The following SLC38A9 variants were observed in gnomAD, a reference collection of about 807,000 sequenced individuals.
SLC38A9 encodes neutral amino acid transporter 9.
SLC38A9 carries 48 observed loss-of-function variants against 62.3 expected under a neutral mutation model. That is an observed-to-expected ratio of 0.77 (90% CI 0.61 to 0.98). The LOEUF is 0.98. Among genes scored for constraint, SLC38A9 ranks in the 50% least tolerant of loss-of-function variants. The pLI, the probability that SLC38A9 is intolerant of heterozygous loss-of-function variation, is 0.00. For synonymous variants in SLC38A9, 204 were observed against 227.7 expected (o/e 0.90, Z 0.94); for missense variants, 541 against 679.8 (o/e 0.80, Z 2.27).
chr5:55,654,111 C>T (rs1396261083), intron 9 of SLC38A9, among the ~76,000 whole-genome samples: 2 of 152,142 alleles, frequency 1.3e-5, no homozygotes, highest in African/African-American at 4.8e-5. Flanking sequence ...AGAAAATACT[C>T]GTATTAAGTA....
At chr5:55,666,956 A>G (rs2150321383) in intron 7 of SLC38A9, among the ~76,000 whole-genome samples, 2 of 152,166 alleles carry the variant, frequency 1.3e-5, no homozygotes, top group East Asian at 3.9e-4. Context: ...CCAAGTTTGC[A>G]GTAAGCTGAG....
intron 14 of SLC38A9, among the ~76,000 whole-genome samples, chr5:55,631,775 T>C (rs903003743): frequency 6.6e-6 from 1 of 152,170 alleles, no homozygotes; most frequent in Admixed American, 6.5e-5. Flanking sequence ...AAATGCAATT[T>C]TTTTCAAATT....
intron 8 of SLC38A9, among the ~76,000 whole-genome samples, chr5:55,659,403 T>G (rs1003290518): frequency 6.7e-5 from 10 of 150,194 alleles, no homozygotes; most frequent in African/African-American, 2.4e-4. Context: ...TTATTTTGAT[T>G]TGAGATGGAG....
At chr5:55,673,871 C>T (rs993995886) in intron 3 of SLC38A9, among the ~76,000 whole-genome samples, 2 of 152,016 alleles carry the variant, frequency 1.3e-5, no homozygotes, top group African/African-American at 4.8e-5. Flanking sequence ...ACCACCATGC[C>T]TGACTAATTT....
intron 3 of SLC38A9, chr5:55,694,215 A>G: frequency 3.6e-6 from 1 of 278,300 alleles, no homozygotes; most frequent in East Asian, 9.7e-5. Context: ...CTCAAAAAAA[A>G]AAAAAAAAAT....
At chr5:55,692,286 T>C (rs575060176) in intron 3 of SLC38A9, among the ~76,000 whole-genome samples, 3 of 152,218 alleles carry the variant, frequency 2.0e-5, no homozygotes, top group Non-Finnish European at 4.4e-5. Flanking sequence ...CATTCACTTA[T>C]ATTATACAGG....
At chr5:55,702,177 A>G (rs1221518593) in intron 2 of SLC38A9, among the ~76,000 whole-genome samples, 1 of 152,192 alleles carries the variant, frequency 6.6e-6, no homozygotes, top group Admixed American at 6.5e-5. Flanking sequence ...TTTAATCTCC[A>G]TGAGACTATC....
intron 9 of SLC38A9, among the ~76,000 whole-genome samples, chr5:55,653,932 T>C (rs1747965280): frequency 6.6e-6 from 1 of 152,156 alleles, no homozygotes; most frequent in Admixed American, 6.5e-5. Context: ...GCTGGGATTA[T>C]AGGCCTGAGC....
chr5:55,667,218 A>G (rs1294111932), intron 7 of SLC38A9, among the ~76,000 whole-genome samples: 1 of 99,556 alleles, frequency 1.0e-5, no homozygotes, highest in Non-Finnish European at 2.4e-5. Flanking sequence ...TAGTTTTTAT[A>G]TTATTTAGGG....
chr5:55,645,711 T>G, intron 12 of SLC38A9, 78 bp downstream of exon 12: 1 of 972,894 alleles, frequency 1.0e-6, no homozygotes, highest in South Asian at 1.5e-5. Context: ...GTACTCTAAA[T>G]ATAAAGTGCC....
rs1758156066 is a variant in SLC38A9, at chr5:55,712,208, G to C, written c.-83+9C>G. ...GGGCGAGTTTGCTAGACGTGGGAAC[G>C]TGATCTACCTGAGCAGGCCGAGCCT... On this transcript the variant is annotated intron_variant, in intron 1 of 15. Coordinates refer to ENST00000396865, the MANE Select transcript of SLC38A9 (RefSeq NM_173514.4). The C allele has an allele frequency of 6.6e-6, 1 of 152,434 alleles. No individual in the cohort carries two copies. The allele number at this position is 152,434 out of a possible 1,614,324, so 9.4% of individuals were successfully genotyped here.
chr5:55,690,260 G>A lies in SLC38A9; in HGVS notation c.113+7586C>T, dbSNP rs1216730262. Reference sequence around the variant, plus strand: ...ACCTCCCTCAGCCTCCCAAAGTGCTGGGATTACAGGTGTAAGCCACTGTGC... The same window carrying A: ...ACCTCCCTCAGCCTCCCAAAGTGCTAGGATTACAGGTGTAAGCCACTGTGC... On this transcript the variant is annotated intron_variant, in intron 3 of 15. Transcript: ENST00000396865. Among the ~76,000 whole-genome samples the A allele has an allele frequency of 3.3e-5, 5 of 152,192 alleles. No homozygotes were observed. The South Asian group carries it at 6.2e-4, about 19-fold the overall frequency.
rs891918182 is a variant in SLC38A9, at chr5:55,669,837, C to T, written c.289G>A (p.Val97Met). The T allele has an allele frequency of 1.9e-6, 3 of 1,612,762 alleles. No homozygotes were observed. Among genetic ancestry groups the T allele is most frequent in the African/African-American group, 2.7e-5 (2 of 74,854 alleles). ...HVVPAPEECY[V>M]YSPLGSAYKL... ...TAAGCAGAGCCCAATGGACTATACA[C>T]ATAGCACTCTTCTGGAGCTGGAACT... The change falls in exon 5 of 16, where the codon GTG becomes ATG. Residue 97 changes from valine to methionine, a missense_variant. Val to Met is a conservative substitution (Grantham distance 21). Transcript: ENST00000396865.
At chr5:55,639,935 C>G (rs1197165744) in intron 12 of SLC38A9, among the ~76,000 whole-genome samples, 1 of 148,664 alleles carries the variant, frequency 6.7e-6, no homozygotes, top group Non-Finnish European at 1.5e-5. Flanking sequence ...CTTCATAACC[C>G]AATTTCAATT....
intron 3 of SLC38A9, among the ~76,000 whole-genome samples, chr5:55,683,737 T>C (rs1264555559): frequency 6.6e-6 from 1 of 152,244 alleles, no homozygotes; most frequent in Non-Finnish European, 1.5e-5. Context: ...AGTCTGTTCA[T>C]GTTCATAGCT....
intron 8 of SLC38A9, chr5:55,657,844 T>C (rs1748729093): frequency 6.6e-6 from 1 of 152,234 alleles, no homozygotes; most frequent in Non-Finnish European, 1.5e-5. Flanking sequence ...TCACCGTATG[T>C]TTCTCAAGAT....
At chr5:55,655,174 T>C (rs1748182964) in intron 9 of SLC38A9, among the ~76,000 whole-genome samples, 1 of 152,180 alleles carries the variant, frequency 6.6e-6, no homozygotes, top group Admixed American at 6.5e-5. Context: ...AATGGATTGT[T>C]TCATACTCTC....
chr5:55,692,705 T>G, intron 3 of SLC38A9: 1 of 985,128 alleles, frequency 1.0e-6, no homozygotes, highest in South Asian at 4.7e-5. Flanking sequence ...CAGAGAACTG[T>G]TTGAACTCCT....
chr5:55,638,643 T>C (rs1289504623), intron 12 of SLC38A9, among the ~76,000 whole-genome samples: 3 of 152,146 alleles, frequency 2.0e-5, no homozygotes, highest in Admixed American at 1.3e-4. Context: ...ATAGTGAAAA[T>C]ACTATTCAGT....
Sources: allele counts gnomAD v4.1 joint callset (sites outside exome capture counted in the v4.1 genomes callset), GRCh38; gene constraint gnomAD v4.1.1; transcripts MANE v1.5; gene names NCBI Gene and HGNC (gene_info 2026-07-23, HGNC 2026-07-21).